The following SYCP2 variants were observed in gnomAD, a reference collection of about 807,000 sequenced individuals.
SYCP2 encodes synaptonemal complex protein 2.
Under a neutral mutation model 211.3 loss-of-function variants are expected in SYCP2, and 55 were observed. The observed-to-expected ratio is 0.26, with a 90% CI of 0.21 to 0.33. SYCP2 has a LOEUF of 0.33. Among genes scored for constraint, SYCP2 ranks in the 10% least tolerant of loss-of-function variants. SYCP2 has a pLI of 1.00. For synonymous variants in SYCP2, 570 were observed against 555.2 expected, an observed-to-expected ratio of 1.03 and a Z score of -0.37; for missense variants, 1,731 against 1,752.0, an observed-to-expected ratio of 0.99 and a Z score of 0.21.
In SYCP2 at chr20:59,895,603, A is replaced by G. The variant is rs761327053; in HGVS notation, c.1505-6T>C. On this transcript the variant is annotated splice_polypyrimidine_tract_variant and splice_region_variant and intron_variant, in intron 19 of 44. Coordinates refer to ENST00000357552, the MANE Select transcript of SYCP2 (RefSeq NM_014258.4). ...TCTTCTTCGTGGTGGTATTGCTAAA[A>G]AGGAGGACAAGGATTGCAGATTTTT... 20 of 1,607,424 alleles carry G rather than the reference A, an allele frequency of 1.2e-5. 1 individual carries two copies. The Middle Eastern group carries it at 5.0e-4, about 40-fold the overall frequency.
chr20:59,877,941 AATT>A, intron 32 of SYCP2, 64 bp downstream of exon 32: 1 of 1,229,322 alleles, frequency 8.1e-7, no homozygotes, highest in Non-Finnish European at 1.2e-6. Context: ...TGAGATGATG[AATT>A]ATTTTTATAT....
At chr20:59,895,775 T>C (rs1258474912) in intron 19 of SYCP2, among the ~76,000 whole-genome samples, 178 bp from the exon 20 acceptor site, 1 of 152,056 alleles carries the variant, frequency 6.6e-6, no homozygotes, top group Non-Finnish European at 1.5e-5. Flanking sequence ...AGGAAAAATT[T>C]GCAGGAAGGG....
intron 2 of SYCP2, among the ~76,000 whole-genome samples, chr20:59,924,755 C>T (rs1406623947): frequency 6.6e-6 from 1 of 151,758 alleles, no homozygotes; most frequent in Non-Finnish European, 1.5e-5. Context: ...ACCACACAAA[C>T]AAAAGAAAGC....
chr20:59,879,477 AC>A (rs1417811109), intron 31 of SYCP2, among the ~76,000 whole-genome samples: 1 of 151,934 alleles, frequency 6.6e-6, no homozygotes, highest in African/African-American at 2.4e-5. Context: ...AAATAAATAT[AC>A]ATTTAGTTGA....
intron 2 of SYCP2, among the ~76,000 whole-genome samples, chr20:59,925,706 C>T (rs2060622114): frequency 6.6e-6 from 1 of 152,024 alleles, no homozygotes; most frequent in Admixed American, 6.6e-5. Context: ...TTATAATTGA[C>T]ATCTTTGATT....
intron 2 of SYCP2, among the ~76,000 whole-genome samples, chr20:59,926,155 G>C (rs1331851131): frequency 6.6e-6 from 1 of 152,010 alleles, no homozygotes; most frequent in Non-Finnish European, 1.5e-5. Context: ...TTCCATAAGG[G>C]ATGGAATTGT....
chr20:59,871,546 C>T (rs1021960829), intron 35 of SYCP2, among the ~76,000 whole-genome samples: 1 of 151,722 alleles, frequency 6.6e-6, no homozygotes, highest in Non-Finnish European at 1.5e-5. Context: ...TGGGGATTAC[C>T]TAGGCTTGGA....
intron 14 of SYCP2, among the ~76,000 whole-genome samples, chr20:59,909,539 C>T (rs1201134715): frequency 6.6e-6 from 1 of 152,188 alleles, no homozygotes; most frequent in Non-Finnish European, 1.5e-5. Flanking sequence ...CAGGGGGGAT[C>T]TTTTACACAA....
chr20:59,881,452 T>TC lies in SYCP2; in HGVS notation c.2698dup (p.Asp900GlyfsTer2). On this transcript the variant is annotated frameshift_variant, in exon 29 of 45. Coordinates refer to ENST00000357552, the MANE Select transcript of SYCP2 (RefSeq NM_014258.4). LOFTEE classifies it high-confidence loss of function. ...AAATACCTACAATCTAATTGACCTA[T>TC]CCGCACAAGCTTCTTTAGCTGTAGC... 6.5e-7 allele frequency: 1 copy of TC among 1,538,022 alleles called. No individual in the cohort carries two copies. Among genetic ancestry groups the TC allele is most frequent in the Non-Finnish European group, 8.8e-7 (1 of 1,134,622 alleles).
intron 24 of SYCP2, among the ~76,000 whole-genome samples, chr20:59,888,916 A>G (rs910500384): frequency 1.3e-5 from 2 of 152,104 alleles, no homozygotes; most frequent in South Asian, 2.1e-4. Context: ...ACTTAGATGT[A>G]TATCTAACAA....
Position 59,900,724 on chromosome 20 carries a change from CAAGT to C in SYCP2, c.1257+16_1257+19del. ...TTAAACTTAGCCCAGTGATAAAAAT[CAAGT>C]AAGTCTGAGACATACCTGTGATCCA... On this transcript the variant is annotated intron_variant, in intron 17 of 44. Coordinates refer to ENST00000357552, the MANE Select transcript of SYCP2 (RefSeq NM_014258.4). The C allele has an allele frequency of 3.7e-6, 6 of 1,605,074 alleles. No homozygotes were observed. Among genetic ancestry groups the C allele is most frequent in the Non-Finnish European group, 5.1e-6 (6 of 1,173,454 alleles).
intron 2 of SYCP2, among the ~76,000 whole-genome samples, chr20:59,926,263 C>T (rs2060632975): frequency 6.6e-6 from 1 of 152,050 alleles, no homozygotes; most frequent in South Asian, 2.1e-4. Flanking sequence ...CAAAGTGCCA[C>T]AAACTGGATG....
chr20:59,929,284 G>A (rs1201985404), intron 2 of SYCP2, among the ~76,000 whole-genome samples: 3 of 150,370 alleles, frequency 2.0e-5, no homozygotes, highest in African/African-American at 7.3e-5. Context: ...AAGGAAATTG[G>A]AAATCATGTA....
chr20:59,875,173 T>G (rs917437226), intron 34 of SYCP2, 98 bp downstream of exon 34: 4 of 723,242 alleles, frequency 5.5e-6, no homozygotes, highest in Non-Finnish European at 8.7e-6. Flanking sequence ...TAATTATAAA[T>G]ACCCCTCAAA....
intron 31 of SYCP2, 100 bp from the exon 32 acceptor site, chr20:59,878,145 A>G: frequency 1.1e-6 from 1 of 883,676 alleles, no homozygotes. Flanking sequence ...AAAATAATAA[A>G]AAGTAGTAAG....
intron 24 of SYCP2, among the ~76,000 whole-genome samples, chr20:59,889,555 T>C (rs1004767644): frequency 6.6e-6 from 1 of 152,018 alleles, no homozygotes; most frequent in African/African-American, 2.4e-5. Flanking sequence ...TTAGTTGTAG[T>C]AATATACACA....
chr20:59,908,440 A>G (rs1313647001), intron 14 of SYCP2, among the ~76,000 whole-genome samples: 6 of 152,224 alleles, frequency 3.9e-5, no homozygotes, highest in African/African-American at 1.4e-4. Flanking sequence ...TCAAAACCTC[A>G]GGATCAGGAG....
chr20:59,932,850 G>T (rs536713916), intron 1 of SYCP2, among the ~76,000 whole-genome samples: 1 of 152,116 alleles, frequency 6.6e-6, no homozygotes, highest in Non-Finnish European at 1.5e-5. Flanking sequence ...AGGAGAGGCC[G>T]CAGGTGGGGA....
chr20:59,920,278 C>T lies in SYCP2; in HGVS notation c.297+81G>A, dbSNP rs80208219. ...ATAAAGTTCCTAAATTTATTTTCAA[C>T]AATTTGGATAATTTCTTACTAGAAA... On this transcript the variant is annotated intron_variant, in intron 5 of 44. Coordinates refer to ENST00000357552, the MANE Select transcript of SYCP2 (RefSeq NM_014258.4). 3.4e-3 allele frequency: 4,307 copies of T among 1,272,288 alleles called. 133 individuals are homozygous for T. The African/African-American group carries it at 0.059, about 17-fold the overall frequency. The allele number at this position is 1,272,288 out of a possible 1,614,324, so 78.8% of individuals were successfully genotyped here.
Sources: allele counts gnomAD v4.1 joint callset (sites outside exome capture counted in the v4.1 genomes callset), GRCh38; gene constraint gnomAD v4.1.1; transcripts MANE v1.5; gene names NCBI Gene and HGNC (gene_info 2026-07-23, HGNC 2026-07-21).